TAS2R1: variants seen among roughly 807,000 people sequenced by gnomAD.
TAS2R1 encodes the protein taste receptor type 2 member 1.
For synonymous variants in TAS2R1, 141 were observed against 134.2 expected (o/e 1.05, Z -0.35); for missense variants, 370 against 353.4 (o/e 1.05, Z -0.38).
chr5:9,752,466 G>A, the TAS2R1 span, among the ~76,000 whole-genome samples: 3 of 151,980 alleles, frequency 2.0e-5, no homozygotes, highest in African/African-American at 7.3e-5. Flanking sequence ...TTAAATATTG[G>A]TGCTATCTGG....
At chr5:9,637,188 C>A (rs1739980331) in intron 2 of TAS2R1, among the ~76,000 whole-genome samples, 1 of 152,136 alleles carries the variant, frequency 6.6e-6, no homozygotes, top group Admixed American at 6.5e-5. Flanking sequence ...ATTTATGAAG[C>A]TTAGTTTTGC....
chr5:9,664,486 C>T (rs914120417), intron 1 of TAS2R1, among the ~76,000 whole-genome samples: 2 of 152,136 alleles, frequency 1.3e-5, no homozygotes, highest in African/African-American at 2.4e-5. Context: ...CTATAAACCA[C>T]GGTATATATT....
the TAS2R1 span, among the ~76,000 whole-genome samples, chr5:9,718,108 C>A: frequency 3.0e-4 from 46 of 151,930 alleles, no homozygotes; most frequent in African/African-American, 1.1e-3. Context: ...CACAGGCACA[C>A]GCCACCATGC....
chr5:9,722,254 T>C, the TAS2R1 span, among the ~76,000 whole-genome samples: 1 of 152,216 alleles, frequency 6.6e-6, no homozygotes, highest in Non-Finnish European at 1.5e-5. Flanking sequence ...TGCAACCTCA[T>C]GAAAGACTCA....
the TAS2R1 span, among the ~76,000 whole-genome samples, chr5:9,814,591 C>T: frequency 6.6e-6 from 1 of 152,094 alleles, no homozygotes; most frequent in African/African-American, 2.4e-5. Flanking sequence ...ATTGGTCAAT[C>T]CTACGTTCTT....
At chr5:9,730,320 G>A in the TAS2R1 span, among the ~76,000 whole-genome samples, 4 of 152,172 alleles carry the variant, frequency 2.6e-5, no homozygotes, top group Non-Finnish European at 5.9e-5. Context: ...TGGCAAGTAG[G>A]TCCAGGGAAG....
chr5:9,761,382 G>A, the TAS2R1 span, among the ~76,000 whole-genome samples: 2 of 150,908 alleles, frequency 1.3e-5, no homozygotes, highest in Non-Finnish European at 2.9e-5. Context: ...CCTAACTAGA[G>A]GAAGGTCTTG....
chr5:9,634,803 G>A (rs764523683), upstream of TAS2R1, among the ~76,000 whole-genome samples: 10 of 152,030 alleles, frequency 6.6e-5, no homozygotes, highest in Admixed American at 2.0e-4. Context: ...TTTGTATCCT[G>A]AAACTTTACT....
intron 1 of TAS2R1, among the ~76,000 whole-genome samples, chr5:9,684,545 C>G (rs1418436442): frequency 6.6e-6 from 1 of 152,144 alleles, no homozygotes; most frequent in Non-Finnish European, 1.5e-5. Flanking sequence ...ATGGGTCTTA[C>G]TCTGTTGCTA....
the TAS2R1 span, among the ~76,000 whole-genome samples, chr5:9,786,418 A>G: frequency 6.6e-6 from 1 of 152,318 alleles, no homozygotes; most frequent in South Asian, 2.1e-4. Flanking sequence ...ACACAAAGTA[A>G]CTAAGTCCCA....
upstream of TAS2R1, among the ~76,000 whole-genome samples, chr5:9,633,315 T>TATATATATATATATATATATATATATAG (rs1739910211): frequency 7.3e-6 from 1 of 137,394 alleles, no homozygotes; most frequent in Non-Finnish European, 1.5e-5. Flanking sequence ...TATATATATA[T>TATATATATATATATATATATATATATAG]ATATACACAA....
At chr5:9,897,387 T>G in the TAS2R1 span, among the ~76,000 whole-genome samples, 114 of 152,256 alleles carry the variant, frequency 7.5e-4, no homozygotes, top group Non-Finnish European at 1.5e-3. Context: ...AGGCAGAGGT[T>G]GCAGTGAGCC....
At chr5:9,674,552 C>A (rs1740832385) in intron 1 of TAS2R1, among the ~76,000 whole-genome samples, 1 of 152,074 alleles carries the variant, frequency 6.6e-6, no homozygotes, top group African/African-American at 2.4e-5. Context: ...TGTTCATCAT[C>A]CATATTATGA....
At chr5:9,791,573 C>T in the TAS2R1 span, among the ~76,000 whole-genome samples, 2 of 152,166 alleles carry the variant, frequency 1.3e-5, no homozygotes, top group African/African-American at 4.8e-5. Flanking sequence ...ATGGCGCATA[C>T]CTGTGATTCT....
chr5:9,855,810 T>C, the TAS2R1 span, among the ~76,000 whole-genome samples: 3 of 152,254 alleles, frequency 2.0e-5, no homozygotes, highest in African/African-American at 7.2e-5. Flanking sequence ...TTTACCACAA[T>C]GCCTTCAGGT....
chr5:9,755,960 C>T, the TAS2R1 span, among the ~76,000 whole-genome samples: 4 of 152,156 alleles, frequency 2.6e-5, no homozygotes, highest in South Asian at 8.3e-4. Flanking sequence ...TCTTTATGAC[C>T]TGTATTTTGT....
chr5:9,800,617 G>C, the TAS2R1 span, among the ~76,000 whole-genome samples: 1 of 152,194 alleles, frequency 6.6e-6, no homozygotes, highest in East Asian at 1.9e-4. Flanking sequence ...ATAGAGTGAA[G>C]GGAGGAAGGG....
the TAS2R1 span, among the ~76,000 whole-genome samples, chr5:9,745,282 G>GT: frequency 2.6e-5 from 4 of 152,208 alleles, no homozygotes; most frequent in South Asian, 8.3e-4. Flanking sequence ...AAAGACAACC[G>GT]TTCAGTAAGG....
chr5:9,704,363 GA>G (rs5865850), intron 1 of TAS2R1, among the ~76,000 whole-genome samples: 43,231 of 147,914 alleles, frequency 0.29, 6,666 homozygotes, highest in African/African-American at 0.42. Flanking sequence ...GCTCCACTGA[GA>G]AAAAAAAAAA....
Sources: allele counts gnomAD v4.1 joint callset (sites outside exome capture counted in the v4.1 genomes callset), GRCh38; gene constraint gnomAD v4.1.1; transcripts MANE v1.5; gene names NCBI Gene and HGNC (gene_info 2026-07-23, HGNC 2026-07-21).